ATP8A1: variants seen among roughly 807,000 people sequenced by gnomAD.
ATP8A1 encodes the protein ATPase phospholipid transporting 8A1.
Under a neutral mutation model 177.7 loss-of-function variants are expected in ATP8A1, and 90 were observed. That is an observed-to-expected ratio of 0.51 (90% CI 0.43 to 0.60). The LOEUF (loss-of-function observed/expected upper bound fraction) is 0.60, where lower values mean the gene tolerates loss of function less well. Ranked by LOEUF, ATP8A1 falls within the 20% of genes least tolerant of loss-of-function variation. ATP8A1 has a pLI of 0.00. For synonymous variants in ATP8A1, 493 were observed against 485.9 expected (o/e 1.01, Z -0.19); for missense variants, 1,072 against 1,392.8 (o/e 0.77, Z 3.67).
At chr4:42,608,270 C>T (rs28461646) in intron 5 of ATP8A1, among the ~76,000 whole-genome samples, 34,137 of 107,900 alleles carry the variant, frequency 0.32, 4,356 homozygotes, top group Non-Finnish European at 0.4. Flanking sequence ...GAGAGAAGCA[C>T]GCCTCCCACC....
intron 4 of ATP8A1, among the ~76,000 whole-genome samples, chr4:42,623,835 C>A (rs964720021): frequency 3.3e-5 from 5 of 152,102 alleles, no homozygotes; most frequent in African/African-American, 1.2e-4. Context: ...AACAACCCTG[C>A]ACATGTACCC....
intron 5 of ATP8A1, among the ~76,000 whole-genome samples, chr4:42,611,268 T>C (rs1459720420): frequency 1.3e-5 from 2 of 152,164 alleles, no homozygotes; most frequent in Non-Finnish European, 2.9e-5. Context: ...AAGGTGAATA[T>C]GAGTCGATTT....
At chr4:42,544,978 G>C (rs1438305650) in intron 19 of ATP8A1, among the ~76,000 whole-genome samples, 1 of 151,832 alleles carries the variant, frequency 6.6e-6, no homozygotes, top group African/African-American at 2.4e-5. Flanking sequence ...TGACCAACAT[G>C]GTGAAACCCT....
chr4:42,602,069 T>C (rs1735334891), intron 5 of ATP8A1, among the ~76,000 whole-genome samples: 1 of 152,154 alleles, frequency 6.6e-6, no homozygotes, highest in Non-Finnish European at 1.5e-5. Context: ...AACAAATTAA[T>C]GAATACCTCA....
intron 5 of ATP8A1, among the ~76,000 whole-genome samples, chr4:42,604,432 G>A (rs373291578): frequency 1.1e-4 from 8 of 73,048 alleles, no homozygotes; most frequent in Non-Finnish European, 2.3e-4. Context: ...GCACACACTG[G>A]TGCTCAGTAA....
chr4:42,551,985 A>T (rs111312043), intron 17 of ATP8A1, among the ~76,000 whole-genome samples: 2,861 of 152,298 alleles, frequency 0.019, 81 homozygotes, highest in African/African-American at 0.065. Context: ...CTAAGTACTT[A>T]ATACTGATAA....
rs757790458 is a variant in ATP8A1 at position 42,485,550 on chromosome 4, A to G, written c.2270T>C (p.Val757Ala). ...KTLKYALTFG[V>A]RQYFLDLALS... ...AGCTAAGTCCAGGAAATACTGTCGTACTCCAAAGGTTAAGGCATATTTGAG... is the reference window on the plus strand; with the variant it reads ...AGCTAAGTCCAGGAAATACTGTCGTGCTCCAAAGGTTAAGGCATATTTGAG... Residue 757 changes from valine to alanine, a missense_variant, in exon 25 of 37, where the codon GTA becomes GCA. By Grantham distance (64) the Val-to-Ala change is moderately conservative (BLOSUM62 0). Transcript: ENST00000381668. 9 of 1,613,760 alleles carry G rather than the reference A, an allele frequency of 5.6e-6. No individual in the cohort carries two copies. The Admixed American group carries it at 1.5e-4, about 27-fold the overall frequency.
chr4:42,446,765 A>G, intron 30 of ATP8A1, 121 bp from the exon 31 acceptor site: 1 of 723,754 alleles, frequency 1.4e-6, no homozygotes. Context: ...GGAGCCAGAA[A>G]TGAGATTAAA....
chr4:42,440,335 G>GTTTTTTTTTTTTTT, intron 33 of ATP8A1, among the ~76,000 whole-genome samples: 1 of 135,472 alleles, frequency 7.4e-6, no homozygotes. Context: ...AGCTCCTCCA[G>GTTTTTTTTTTTTTT]TTTTTTTTTT....
At chr4:42,619,216 C>T (rs1010332666) in intron 4 of ATP8A1, among the ~76,000 whole-genome samples, 10 of 152,110 alleles carry the variant, frequency 6.6e-5, no homozygotes, top group African/African-American at 1.4e-4. Context: ...AGCTCCATCA[C>T]GGCTAGTTTT....
intron 20 of ATP8A1, among the ~76,000 whole-genome samples, chr4:42,539,157 TGG>T (rs1175872970): frequency 2.6e-5 from 4 of 151,774 alleles, no homozygotes; most frequent in Non-Finnish European, 5.9e-5. Context: ...AACTCAGAAA[TGG>T]GAAACCAAAC....
chr4:42,443,161 T>C (rs561137938), intron 33 of ATP8A1, among the ~76,000 whole-genome samples: 1 of 152,334 alleles, frequency 6.6e-6, no homozygotes, highest in East Asian at 1.9e-4. Context: ...GATTTTTCTC[T>C]GGAATAAGAG....
chr4:42,471,791 G>A (rs955508586), intron 25 of ATP8A1: 3 of 469,922 alleles, frequency 6.4e-6, no homozygotes, highest in East Asian at 5.0e-5. Flanking sequence ...CTAGGCTGGC[G>A]CTTAGCAAGG....
chr4:42,492,354 G>A (rs1722823175), intron 24 of ATP8A1, among the ~76,000 whole-genome samples: 1 of 152,106 alleles, frequency 6.6e-6, no homozygotes, highest in South Asian at 2.1e-4. Context: ...ATTTAATAAT[G>A]TATTTCTATT....
At chr4:42,629,150 T>C (rs1347469580) in intron 1 of ATP8A1, among the ~76,000 whole-genome samples, 1 of 152,216 alleles carries the variant, frequency 6.6e-6, no homozygotes, top group Admixed American at 6.5e-5. Flanking sequence ...GGGACTGGAA[T>C]TAACCCCATC....
At position 42,573,106 on chromosome 4, in the gene ATP8A1, G is replaced by A. The variant is rs542562416; in HGVS notation, c.1295+1513C>T. ...AATAAGAAAAAACCTGATAAAATGC[G>A]GAAGAAAACAGAGGCTAGATCTGAT... On this transcript the variant is annotated intron_variant, in intron 14 of 36. Transcript: ENST00000381668. 1.3e-3 allele frequency among the ~76,000 whole-genome samples: 191 copies of A among 152,180 alleles called. 1 individual carries two copies. Among genetic ancestry groups the A allele is most frequent in the African/African-American group, 4.1e-3 (172 of 41,520 alleles).
chr4:42,485,372 G>A (rs990617838), intron 25 of ATP8A1, 124 bp downstream of exon 25: 1 of 809,034 alleles, frequency 1.2e-6, no homozygotes, highest in African/African-American at 1.8e-5. Flanking sequence ...CAAGTCTTGA[G>A]TGAACACATT....
Position 42,414,949 on chromosome 4 carries a change from C to T in ATP8A1, c.3306-231G>A. 4 of 492,518 alleles carry T rather than the reference C, an allele frequency of 8.1e-6. No individual in the cohort carries two copies. The South Asian group carries it at 1.0e-4, about 13-fold the overall frequency. 30.5% of individuals were successfully genotyped at this position (492,518 alleles called of 1,614,324 possible). On this transcript the variant is annotated intron_variant, in intron 35 of 36. Transcript: ENST00000381668. ...GAGTTTGGTCCCCAATAATCCTTCT[C>T]CCAGTAAAAAGTAGGATCTCCTCAC... is the stretch of plus-strand genomic sequence containing the variant.
At chr4:42,584,917 T>C (rs757265622) in intron 9 of ATP8A1, among the ~76,000 whole-genome samples, 2 of 152,154 alleles carry the variant, frequency 1.3e-5, no homozygotes, top group Non-Finnish European at 2.9e-5. Context: ...AGTAACATCC[T>C]CACAATGGCC....
Sources: gnomAD v4.1 joint callset for allele counts (sites outside exome capture counted in the v4.1 genomes callset) on GRCh38, gnomAD v4.1.1 for gene constraint, MANE v1.5 for transcripts, NCBI Gene and HGNC (gene_info 2026-07-23, HGNC 2026-07-21) for gene names.